The following SCFD1 variants were observed in gnomAD, a reference collection of about 807,000 sequenced individuals.
The protein encoded by SCFD1 is sec1 family domain containing 1, also known as sec1 family domain-containing protein 1.
SCFD1 carries 37 observed loss-of-function variants against 103.2 expected under a neutral mutation model. The observed-to-expected ratio is 0.36, with a 90% CI of 0.28 to 0.47. The LOEUF is 0.47. Ranked by LOEUF, SCFD1 falls within the 20% of genes least tolerant of loss-of-function variation. The pLI is 1.00. For synonymous variants in SCFD1, 264 were observed against 245.0 expected, an observed-to-expected ratio of 1.08 and a Z score of -0.73; for missense variants, 639 against 761.2, an observed-to-expected ratio of 0.84 and a Z score of 1.89.
At chr14:30,728,184 C>A (rs1003125189) in intron 23 of SCFD1, among the ~76,000 whole-genome samples, 1 of 152,148 alleles carries the variant, frequency 6.6e-6, no homozygotes, top group African/African-American at 2.4e-5. Flanking sequence ...AGTGTTGAGT[C>A]CCCCTTTAAT....
chr14:30,631,318 A>G (rs1333431260), intron 3 of SCFD1, among the ~76,000 whole-genome samples: 2 of 152,316 alleles, frequency 1.3e-5, no homozygotes, highest in East Asian at 3.9e-4. Flanking sequence ...GTGCCACTGC[A>G]CTCCAGCCTG....
chr14:30,716,719 A>T (rs547778644), intron 20 of SCFD1, among the ~76,000 whole-genome samples: 1 of 152,344 alleles, frequency 6.6e-6, no homozygotes, highest in South Asian at 2.1e-4. Context: ...CAATTCTAAG[A>T]AAGAGTGAGA....
chr14:30,705,115 TAAAC>T (rs1309151027), intron 17 of SCFD1, among the ~76,000 whole-genome samples: 1 of 152,130 alleles, frequency 6.6e-6, no homozygotes, highest in African/African-American at 2.4e-5. Flanking sequence ...GAGTTGAAAA[TAAAC>T]AACTGTATGC....
chr14:30,634,102 T>A, intron 4 of SCFD1, 65 bp downstream of exon 4: 1 of 891,342 alleles, frequency 1.1e-6, no homozygotes, highest in South Asian at 1.6e-5. Flanking sequence ...CAAGAAAAAT[T>A]CCTAGATGTC....
chr14:30,716,550 G>C (rs1892289945), intron 20 of SCFD1, among the ~76,000 whole-genome samples: 1 of 152,098 alleles, frequency 6.6e-6, no homozygotes, highest in African/African-American at 2.4e-5. Flanking sequence ...ATCACAATCT[G>C]TTTCATAAAA....
chr14:30,630,755 TGCCTTGTG>T (rs560386154), intron 3 of SCFD1, 190 bp downstream of exon 3: 630 of 511,342 alleles, frequency 1.2e-3, no homozygotes, highest in Admixed American at 3.6e-3. Flanking sequence ...TTAAATTTTC[TGCCTTGTG>T]GCTTTTCCTT....
At chr14:30,638,290 A>C in intron 5 of SCFD1, 43 bp downstream of exon 5, 1 of 1,611,318 alleles carries the variant, frequency 6.2e-7, no homozygotes, top group African/African-American at 1.3e-5. Context: ...TCAATGTAAA[A>C]TTTAACACTG....
At chr14:30,659,543 A>T (rs1887242385) in intron 10 of SCFD1, among the ~76,000 whole-genome samples, 1 of 152,172 alleles carries the variant, frequency 6.6e-6, no homozygotes, top group African/African-American at 2.4e-5. Flanking sequence ...TATCACATGA[A>T]GACTGGTAGA....
At chr14:30,665,395 C>G (rs1887852267) in intron 10 of SCFD1, among the ~76,000 whole-genome samples, 1 of 152,106 alleles carries the variant, frequency 6.6e-6, no homozygotes, top group Non-Finnish European at 1.5e-5. Flanking sequence ...GAAGGAAGCA[C>G]TAAACATGGA....
chr14:30,630,673 A>G lies in SCFD1; in HGVS notation c.221+108A>G, dbSNP rs151009241. 2.2e-4 allele frequency: 147 copies of G among 670,936 alleles called. No homozygotes were observed. The African/African-American group carries it at 2.3e-3, about 11-fold the overall frequency. 41.6% of individuals were successfully genotyped at this position (670,936 alleles called of 1,614,324 possible). A position where few individuals can be genotyped will look rare whatever the true frequency, so the allele number is the denominator to read the frequency against. On this transcript the variant is annotated intron_variant, in intron 3 of 24. Coordinates refer to ENST00000458591, the MANE Select transcript of SCFD1 (RefSeq NM_016106.4). ...GTAGTATTGAACATTTTTTCCCTGT[A>G]TCTTCTTTATTCAACCCCTTATTTC...
intron 19 of SCFD1, among the ~76,000 whole-genome samples, chr14:30,710,332 TAAAA>T (rs397853428): frequency 1.3e-4 from 11 of 82,024 alleles, no homozygotes; most frequent in African/African-American, 3.8e-4. Context: ...GCCATGTCAT[TAAAA>T]AAAAAAAAAA....
At chr14:30,622,306 T>A (rs969930721), upstream of SCFD1, 5 of 1,593,802 alleles carry the variant, frequency 3.1e-6, no homozygotes, top group Non-Finnish European at 4.3e-6. Flanking sequence ...CCCGCTCCGC[T>A]CCCCAGCCGG....
At chr14:30,649,996 A>C (rs978453183) in intron 8 of SCFD1, among the ~76,000 whole-genome samples, 1 of 152,232 alleles carries the variant, frequency 6.6e-6, no homozygotes, top group African/African-American at 2.4e-5. Flanking sequence ...TAAAATATTA[A>C]GTATAAAGTA....
intron 10 of SCFD1, among the ~76,000 whole-genome samples, chr14:30,668,470 AT>A (rs1888224042): frequency 6.6e-6 from 1 of 152,160 alleles, no homozygotes; most frequent in African/African-American, 2.4e-5. Context: ...AGGCAATACC[AT>A]TCAGGACATA....
chr14:30,722,452 TA>T, intron 22 of SCFD1, 41 bp from the exon 23 acceptor site: 1 of 1,462,348 alleles, frequency 6.8e-7, no homozygotes, highest in Non-Finnish European at 9.4e-7. Context: ...GGTTTCAGAC[TA>T]AAAACTGTGT....
chr14:30,630,560 G>A lies in SCFD1; in HGVS notation c.216G>A (p.Leu72=), dbSNP rs762028984. The change falls in exon 3 of 25, where the codon CTG becomes CTA. Residue 72 remains leucine (L), a synonymous_variant. Transcript: ENST00000458591. ...VKELRDMGIT[L]HLLLHSDRDP... ...AGCTAAGAGACATGGGAATCACTCT[G>A]CATCTGTGAGTTTTTACATATTTCT... 1.3e-6 allele frequency: 2 copies of A among 1,554,366 alleles called. No homozygotes were observed. Among genetic ancestry groups the A allele is most frequent in the East Asian group, 4.5e-5 (2 of 44,288 alleles).
rs199832843 is a variant in SCFD1 at position 30,733,663 on chromosome 14, AG to A, written c.1837-1122del. On this transcript the variant is annotated intron_variant, in intron 23 of 24. Coordinates refer to ENST00000458591, the MANE Select transcript of SCFD1 (RefSeq NM_016106.4). ...CCTGGGCTAGAGACTACGATAAACCAGGGGGCAACCTTGGGCTGGCTTGCCA... is the reference window on the plus strand; with the variant it reads ...CCTGGGCTAGAGACTACGATAAACCAGGGGCAACCTTGGGCTGGCTTGCCA... 2.9e-3 allele frequency among the ~76,000 whole-genome samples: 448 copies of A among 152,344 alleles called. 4 individuals carry two copies. Among genetic ancestry groups the A allele is most frequent in the African/African-American group, 9.1e-3 (379 of 41,588 alleles).
chr14:30,715,975 C>A lies in SCFD1; in HGVS notation c.1681C>A (p.Pro561Thr). The stretch of plus-strand genomic sequence containing the variant: ...CAATCTTATGGAGATGAAGTCAAAC[C>A]CCGTGAGTACCATATAACATATTTT... Reference protein sequence around the residue: ...LDNLMEMKSNPETDDYRYFDP... With the variant: ...LDNLMEMKSNTETDDYRYFDP... Residue 561 changes from proline to threonine, a missense_variant and splice_region_variant, in exon 20 of 25, where the codon CCC becomes ACC. By Grantham distance (38) the Pro-to-Thr change is conservative (BLOSUM62 -1). Coordinates refer to ENST00000458591, the MANE Select transcript of SCFD1 (RefSeq NM_016106.4). 1.3e-6 allele frequency: 2 copies of A among 1,516,112 alleles called. No homozygotes were observed. The highest frequency in any genetic ancestry group is 1.2e-5 in the South Asian group (1 of 85,624). 93.9% of individuals were successfully genotyped at this position (1,516,112 alleles called of 1,614,324 possible).
intron 24 of SCFD1, 182 bp downstream of exon 24, chr14:30,735,040 C>G (rs1436113638): frequency 7.7e-6 from 4 of 518,842 alleles, no homozygotes; most frequent in Non-Finnish European, 1.4e-5. Context: ...AATAATGTTT[C>G]CAGTAGGAGT....
Sources: allele counts gnomAD v4.1 joint callset (sites outside exome capture counted in the v4.1 genomes callset), GRCh38; gene constraint gnomAD v4.1.1; transcripts MANE v1.5; gene names NCBI Gene and HGNC (gene_info 2026-07-23, HGNC 2026-07-21).